The following PLAA variants were observed in gnomAD, a reference collection of about 807,000 sequenced individuals.
The protein encoded by PLAA is phospholipase A2 activating protein, also known as phospholipase A-2-activating protein.
Under a neutral mutation model 84.1 loss-of-function variants are expected in PLAA, and 48 were observed. The observed-to-expected ratio is 0.57, with a 90% CI of 0.45 to 0.73. PLAA has a LOEUF of 0.73. PLAA is among the 30% of genes least tolerant of loss of function. The pLI, the probability that PLAA is intolerant of heterozygous loss-of-function variation, is 0.00. For synonymous variants in PLAA, 392 were observed against 336.6 expected, an observed-to-expected ratio of 1.16 and a Z score of -1.80; for missense variants, 903 against 954.7, an observed-to-expected ratio of 0.95 and a Z score of 0.71.
intron 9 of PLAA, chr9:26,919,045 G>C (rs987597818): frequency 9.2e-6 from 3 of 325,730 alleles, no homozygotes; most frequent in African/African-American, 6.4e-5. Flanking sequence ...CTATATAAAA[G>C]AACTTACAAG....
At chr9:26,946,780 G>A in intron 1 of PLAA, 117 bp downstream of exon 1, 1 of 1,167,562 alleles carries the variant, frequency 8.6e-7, no homozygotes, top group Non-Finnish European at 1.2e-6. Context: ...GGAGCGGAGA[G>A]CAGAGGGAAG....
rs2131386870 is a variant in PLAA, at chr9:26,923,220, T to C, written c.997A>G (p.Asn333Asp). The C allele has an allele frequency of 1.2e-6, 2 of 1,612,942 alleles. No homozygotes were observed. The highest frequency in any genetic ancestry group is 1.7e-6 in the Non-Finnish European group (2 of 1,179,206). Residue 333 changes from asparagine to aspartate, a missense_variant, in exon 7 of 14, where the codon AAT (asparagine) becomes GAT (aspartate). Asn to Asp is a conservative substitution (Grantham distance 23). Coordinates refer to ENST00000397292, the MANE Select transcript of PLAA (RefSeq NM_001031689.3). ...TCCCTCCCAGGAAGCTGCTCAGCAT[T>C]GATGTCCCCTAAATCGCCAGTTTTA... ...DSKTGDLGDI[N>D]AEQLPGREHL...
rs771644021 is a variant in PLAA at position 26,907,945 on chromosome 9, C to G, written c.1711G>C (p.Asp571His). Residue 571 changes from aspartate (D) to histidine (H), a missense_variant, in exon 13 of 14, where the codon GAT (aspartate) becomes CAT (histidine). Transcript: ENST00000397292. ...TAPEEKKLTE[D>H]DLILLEKILS... ...ATCTTCTCAAGAAGTATCAAGTCAT[C>G]CTCAGTTAACTTCTTCTCTTCAGGT... The G allele has an allele frequency of 2.5e-6, 4 of 1,610,038 alleles. No individual in the cohort carries two copies. Among genetic ancestry groups the G allele is most frequent in the Non-Finnish European group, 3.4e-6 (4 of 1,178,972 alleles).
At chr9:26,913,227 TGAAA>T (rs745879190) in intron 11 of PLAA, among the ~76,000 whole-genome samples, 4 of 152,088 alleles carry the variant, frequency 2.6e-5, no homozygotes, top group Admixed American at 6.5e-5. Context: ...CTGTCAAACC[TGAAA>T]GAGATGAACC....
chr9:26,913,351 TA>T (rs1045107601), intron 11 of PLAA, among the ~76,000 whole-genome samples: 4 of 151,474 alleles, frequency 2.6e-5, no homozygotes, highest in East Asian at 1.9e-4. Context: ...AACTAAGGAT[TA>T]AAAAAAAATT....
intron 12 of PLAA, among the ~76,000 whole-genome samples, chr9:26,909,940 A>G (rs529110294): frequency 6.6e-6 from 1 of 152,286 alleles, no homozygotes; most frequent in Non-Finnish European, 1.5e-5. Flanking sequence ...TTCATTTCTA[A>G]TGGGCAATTT....
chr9:26,908,986 A>C (rs969967586), intron 12 of PLAA, among the ~76,000 whole-genome samples: 4 of 152,208 alleles, frequency 2.6e-5, no homozygotes, highest in African/African-American at 9.7e-5. Flanking sequence ...ATGTCACATT[A>C]TTTTAAAAAT....
Position 26,923,236 on chromosome 9 carries a change from G to A in PLAA, c.981C>T (p.Gly327=), listed in dbSNP as rs75789871. Residue 327 remains glycine (G), a synonymous_variant, in exon 7 of 14, where the codon GGC becomes GGT. Transcript: ENST00000397292. ...LSHATIDSKT[G]DLGDINAEQL... ...GCTCAGCATTGATGTCCCCTAAATC[G>A]CCAGTTTTAGAATCAATGGTTGCGT... is the stretch of plus-strand genomic sequence containing the variant. 3.8e-4 allele frequency: 617 copies of A among 1,612,854 alleles called. 3 individuals carry two copies. The East Asian group carries it at 0.012, about 32-fold the overall frequency.
chr9:26,934,942 G>T, intron 2 of PLAA, 71 bp downstream of exon 2: 1 of 1,115,374 alleles, frequency 9.0e-7, no homozygotes, highest in Non-Finnish European at 1.3e-6. Flanking sequence ...TTGAGAAAAT[G>T]GATATGTAAA....
chr9:26,919,298 A>C lies in PLAA; in HGVS notation c.1417+12T>G. 6.4e-7 allele frequency: 1 copy of C among 1,563,956 alleles called. No homozygotes were observed. The highest frequency in any genetic ancestry group is 1.1e-5 in the South Asian group (1 of 89,300). On this transcript the variant is annotated intron_variant, in intron 9 of 13. Coordinates refer to ENST00000397292, the MANE Select transcript of PLAA (RefSeq NM_001031689.3). ...TGGAACTACATAAGACTCAATATAAACACTAACTTACCTGTAAATGGATCT... is the reference window on the plus strand; with the variant it reads ...TGGAACTACATAAGACTCAATATAACCACTAACTTACCTGTAAATGGATCT...
At chr9:26,914,320 A>C (rs572543915) in intron 10 of PLAA, among the ~76,000 whole-genome samples, 1 of 152,212 alleles carries the variant, frequency 6.6e-6, no homozygotes, top group African/African-American at 2.4e-5. Flanking sequence ...AGAGTTAGAG[A>C]TACTATGACA....
At chr9:26,936,234 C>T (rs1472659540) in intron 1 of PLAA, among the ~76,000 whole-genome samples, 1 of 150,394 alleles carries the variant, frequency 6.6e-6, no homozygotes, top group Non-Finnish European at 1.5e-5. Flanking sequence ...ATTAAACCCA[C>T]AAGGCCAAGG....
At chr9:26,907,652 T>G in intron 13 of PLAA, 182 bp downstream of exon 13, 1 of 540,622 alleles carries the variant, frequency 1.8e-6, no homozygotes, top group South Asian at 2.7e-5. Context: ...TCAAAAGGCA[T>G]GTAACGGAAA....
intron 10 of PLAA, among the ~76,000 whole-genome samples, chr9:26,915,149 T>C (rs542783673): frequency 9.9e-5 from 15 of 151,956 alleles, no homozygotes; most frequent in Admixed American, 2.0e-4. Flanking sequence ...GAGGCAGAGT[T>C]TGTGGTGAGC....
Position 26,906,087 on chromosome 9 carries a change from A to T in PLAA, c.1823-11T>A. The stretch of plus-strand genomic sequence containing the variant: ...CAGGAAAGACAATATCTATTAAAAA[A>T]AAAAAGTCATTAATGCTTATGAAAA... On this transcript the variant is annotated splice_polypyrimidine_tract_variant and intron_variant, in intron 13 of 13. Coordinates refer to ENST00000397292, the MANE Select transcript of PLAA (RefSeq NM_001031689.3). 1 of 1,452,262 alleles carries T rather than the reference A, an allele frequency of 6.9e-7. No homozygotes were observed. Among genetic ancestry groups the T allele is most frequent in the Non-Finnish European group, 9.1e-7 (1 of 1,096,844 alleles). 90.0% of individuals were successfully genotyped at this position (1,452,262 alleles called of 1,614,324 possible). A position where few individuals can be genotyped will look rare whatever the true frequency, so the allele number is the denominator to read the frequency against.
chr9:26,928,462 A>G, intron 2 of PLAA, 54 bp from the exon 3 acceptor site: 1 of 1,215,176 alleles, frequency 8.2e-7, no homozygotes, highest in Non-Finnish European at 1.2e-6. Context: ...AATGCTCAAC[A>G]TTGAAAGTTA....
At chr9:26,945,082 G>C (rs1317206831) in intron 1 of PLAA, among the ~76,000 whole-genome samples, 1 of 152,062 alleles carries the variant, frequency 6.6e-6, no homozygotes, top group Non-Finnish European at 1.5e-5. Context: ...AGCCAAGATT[G>C]TGCCATTGCA....
intron 6 of PLAA, among the ~76,000 whole-genome samples, chr9:26,925,497 G>A (rs558278994): frequency 3.1e-4 from 47 of 152,260 alleles, no homozygotes; most frequent in African/African-American, 7.7e-4. Flanking sequence ...TCAAAATCCA[G>A]TTCAAATTTC....
intron 1 of PLAA, among the ~76,000 whole-genome samples, chr9:26,939,934 A>C (rs557715338): frequency 6.6e-6 from 1 of 152,228 alleles, no homozygotes; most frequent in Non-Finnish European, 1.5e-5. Context: ...TTCTACAATA[A>C]TAGTTGAAGA....
Sources: gnomAD v4.1 joint callset for allele counts (sites outside exome capture counted in the v4.1 genomes callset) on GRCh38, gnomAD v4.1.1 for gene constraint, MANE v1.5 for transcripts, NCBI Gene and HGNC (gene_info 2026-07-23, HGNC 2026-07-21) for gene names.